Variants in ADGRL2 observed in about 807,000 individuals in gnomAD.
ADGRL2 encodes the protein adhesion G protein-coupled receptor L2.
ADGRL2 carries 44 observed loss-of-function variants against 157.4 expected under a neutral mutation model. That is an observed-to-expected ratio of 0.28 (90% CI 0.22 to 0.36). ADGRL2 has a LOEUF of 0.36. Ranked by LOEUF, ADGRL2 falls within the 10% of genes least tolerant of loss-of-function variation. The probability of loss-of-function intolerance (pLI) is 1.00; values close to 1 mark genes in which losing one functional copy is unlikely to be tolerated. For missense variants in ADGRL2, 1,510 were observed against 1,768.9 expected (o/e 0.85, Z 2.63); for synonymous variants, 585 against 624.7 (o/e 0.94, Z 0.95).
chr1:81,796,252 G>A (rs893154270), upstream of ADGRL2, among the ~76,000 whole-genome samples: 1 of 152,184 alleles, frequency 6.6e-6, no homozygotes, highest in Non-Finnish European at 1.5e-5. Context: ...GCCTCCCAAA[G>A]TGCTGGGATT....
At chr1:81,625,463 G>A (rs893186331) in intron 3 of ADGRL2, among the ~76,000 whole-genome samples, 3 of 152,100 alleles carry the variant, frequency 2.0e-5, no homozygotes, top group African/African-American at 7.2e-5. Context: ...TCGAGTTAAT[G>A]GATAAAGAAA....
intron 3 of ADGRL2, among the ~76,000 whole-genome samples, chr1:81,643,262 C>T (rs144959620): frequency 2.6e-5 from 4 of 152,250 alleles, no homozygotes; most frequent in African/African-American, 9.6e-5. Context: ...GGTTAACACA[C>T]AAAAGTCAAT....
At chr1:81,907,310 T>C (rs2148314510) in intron 3 of ADGRL2, 80 bp downstream of exon 3, 1 of 1,201,394 alleles carries the variant, frequency 8.3e-7, no homozygotes, top group Non-Finnish European at 1.2e-6. Context: ...CCAAAGCGAA[T>C]GGATATAGAC....
At chr1:81,718,139 C>T (rs2084177767) in intron 1 of ADGRL2, among the ~76,000 whole-genome samples, 1 of 152,146 alleles carries the variant, frequency 6.6e-6, no homozygotes, top group Non-Finnish European at 1.5e-5. Flanking sequence ...CCTGCCTCAG[C>T]CTCCTGAGTA....
intron 3 of ADGRL2, among the ~76,000 whole-genome samples, chr1:81,925,607 A>G (rs1430974584): frequency 4.0e-5 from 6 of 151,882 alleles, no homozygotes; most frequent in Middle Eastern, 3.4e-3. Flanking sequence ...TCATTTTAAT[A>G]AAAAATGGGA....
chr1:81,712,783 GAC>G (rs1476015078), intron 1 of ADGRL2, among the ~76,000 whole-genome samples: 1 of 101,876 alleles, frequency 9.8e-6, no homozygotes, highest in African/African-American at 4.0e-5. Context: ...TTTTTTTTGA[GAC>G]AGAGTTTAGC....
chr1:81,747,402 G>A (rs1444483514), intron 1 of ADGRL2, among the ~76,000 whole-genome samples: 1 of 151,434 alleles, frequency 6.6e-6, no homozygotes, highest in Non-Finnish European at 1.5e-5. Context: ...CCAGGTTCAA[G>A]GGATTCTCCT....
rs190276979 is a variant in ADGRL2 at position 81,646,903 on chromosome 1, A to T, written c.-143+65923A>T. Reference sequence around the variant, plus strand: ...CAGGATGATATGAGATTAAAATGTTATGCCTTACGTGAATGTACTTTTATC... The same window carrying T: ...CAGGATGATATGAGATTAAAATGTTTTGCCTTACGTGAATGTACTTTTATC... On this transcript the variant is annotated intron_variant, in intron 3 of 24. Transcript: ENST00000370721. Among the ~76,000 whole-genome samples, 117 of 152,320 alleles carry T rather than the reference A, an allele frequency of 7.7e-4. 2 individuals are homozygous for T. The highest frequency in any genetic ancestry group is 5.8e-4 in the East Asian group (3 of 5,178).
intron 3 of ADGRL2, among the ~76,000 whole-genome samples, chr1:81,654,299 T>A (rs1473170753): frequency 1.3e-5 from 2 of 152,194 alleles, no homozygotes; most frequent in Non-Finnish European, 2.9e-5. Context: ...CAGTGTTCTC[T>A]CAGTCACCCA....
chr1:81,722,717 G>A, intron 1 of ADGRL2: 1 of 952,182 alleles, frequency 1.1e-6, no homozygotes. Context: ...GAAACGTGAA[G>A]AGCGAGAGAT....
At chr1:81,912,459 G>A (rs1214573616) in intron 3 of ADGRL2, among the ~76,000 whole-genome samples, 3 of 152,096 alleles carry the variant, frequency 2.0e-5, no homozygotes, top group Non-Finnish European at 4.4e-5. Context: ...GAACTGGGTG[G>A]CATGTAAATA....
intron 1 of ADGRL2, among the ~76,000 whole-genome samples, chr1:81,811,556 T>A (rs2089873202): frequency 6.6e-6 from 1 of 151,708 alleles, no homozygotes; most frequent in Non-Finnish European, 1.5e-5. Context: ...ATCATATCTC[T>A]GTATACTTGT....
At chr1:81,597,385 A>T (rs1290934681) in intron 3 of ADGRL2, among the ~76,000 whole-genome samples, 1 of 152,214 alleles carries the variant, frequency 6.6e-6, no homozygotes, top group African/African-American at 2.4e-5. Context: ...ATATGAAAAA[A>T]TAAAGAAAAA....
At chr1:81,605,919 G>A (rs772147704) in intron 3 of ADGRL2, among the ~76,000 whole-genome samples, 10 of 152,100 alleles carry the variant, frequency 6.6e-5, no homozygotes, top group Non-Finnish European at 2.9e-5. Flanking sequence ...TGAATTTGAT[G>A]ACTAAAATTT....
At chr1:81,874,270 C>T (rs890307555) in intron 2 of ADGRL2, among the ~76,000 whole-genome samples, 5 of 152,048 alleles carry the variant, frequency 3.3e-5, no homozygotes, top group Non-Finnish European at 5.9e-5. Flanking sequence ...TTAAAGGGGA[C>T]CCTTGCTTTA....
intron 2 of ADGRL2, among the ~76,000 whole-genome samples, chr1:81,899,756 C>T (rs2094455194): frequency 6.6e-6 from 1 of 152,082 alleles, no homozygotes; most frequent in Admixed American, 6.6e-5. Flanking sequence ...GAAAATACGG[C>T]TTGGAATGAA....
chr1:81,871,764 C>T (rs2093701471), intron 2 of ADGRL2, among the ~76,000 whole-genome samples: 1 of 152,026 alleles, frequency 6.6e-6, no homozygotes, highest in Admixed American at 6.6e-5. Flanking sequence ...TATCCTTTGC[C>T]CACTTTTTGA....
rs374186436 is a variant in ADGRL2 at position 81,781,018 on chromosome 1, C to T, written c.-101+19166C>T. On this transcript the variant is annotated intron_variant, in intron 2 of 20. Coordinates refer to the ADGRL2 transcript ENST00000359929. ...TATTTCTATCTCTTACAGTTGTGAG[C>T]ATTGATACAGAAAAGCTAAATATCA... Among the ~76,000 whole-genome samples the T allele has an allele frequency of 1.4e-3, 215 of 152,276 alleles. 5 individuals are homozygous for T. The South Asian group carries it at 0.041, about 29-fold the overall frequency.
At chr1:81,912,233 G>A (rs755213145) in intron 3 of ADGRL2, among the ~76,000 whole-genome samples, 6 of 151,598 alleles carry the variant, frequency 4.0e-5, no homozygotes, top group African/African-American at 1.5e-4. Flanking sequence ...CACTGTGCCC[G>A]GCTAATTTTT....
Sources: allele counts gnomAD v4.1 joint callset (sites outside exome capture counted in the v4.1 genomes callset), GRCh38; gene constraint gnomAD v4.1.1; transcripts MANE v1.5; gene names NCBI Gene and HGNC (gene_info 2026-07-23, HGNC 2026-07-21).